The following ERC1 variants were observed in gnomAD, a reference collection of about 807,000 sequenced individuals.
ERC1 encodes the protein ELKS/RAB6-interacting/CAST family member 1, also known as RAB6 interacting protein 2.
A neutral mutation model predicts 132.0 loss-of-function variants in ERC1; 56 were observed. The observed-to-expected ratio is 0.42, with a 90% CI of 0.34 to 0.53. The LOEUF (loss-of-function observed/expected upper bound fraction) is 0.53, where lower values mean the gene tolerates loss of function less well. Among genes scored for constraint, ERC1 ranks in the 20% least tolerant of loss-of-function variants. The pLI is 0.03. For missense variants in ERC1, 1,202 were observed against 1,349.9 expected, an observed-to-expected ratio of 0.89 and a Z score of 1.72; for synonymous variants, 478 against 476.1, an observed-to-expected ratio of 1.00 and a Z score of -0.05.
At chr12:1,210,984 CA>C (rs147811983) in intron 12 of ERC1, among the ~76,000 whole-genome samples, 23,400 of 114,354 alleles carry the variant, frequency 0.2, 2,368 homozygotes, top group African/African-American at 0.36. Flanking sequence ...GACTGTGTCT[CA>C]AAAAAAAAAA....
chr12:1,490,576 C>T lies in ERC1; in HGVS notation c.*346C>T, dbSNP rs529531128. ...GCAGAGGAGCCTCTCACCTCCTGTC[C>T]TCTGACATGAGAATGAAACCAGGAA... On this transcript the variant is annotated 3_prime_UTR_variant, in exon 19 of 19. Coordinates refer to ENST00000360905, the MANE Select transcript of ERC1 (RefSeq NM_178040.4). The T allele has an allele frequency of 1.9e-4, 54 of 285,668 alleles. No homozygotes were observed. Among genetic ancestry groups the T allele is most frequent in the African/African-American group, 9.7e-4 (47 of 48,368 alleles). 17.7% of individuals were successfully genotyped at this position (285,668 alleles called of 1,614,324 possible). A position where few individuals can be genotyped will look rare whatever the true frequency, so the allele number is the denominator to read the frequency against.
intron 2 of ERC1, among the ~76,000 whole-genome samples, chr12:1,033,310 A>G (rs965595097): frequency 2.0e-5 from 3 of 151,928 alleles, no homozygotes; most frequent in Admixed American, 6.6e-5. Flanking sequence ...TGCTGGGATT[A>G]TAGGTATGAG....
At chr12:1,430,590 G>A (rs952684783) in intron 17 of ERC1, 4 of 152,320 alleles carry the variant, frequency 2.6e-5, no homozygotes, top group Admixed American at 1.3e-4. Context: ...ATGTTGGCCA[G>A]GCTAGTCTCA....
chr12:1,150,665 G>C (rs2369701), intron 8 of ERC1, among the ~76,000 whole-genome samples: 71,390 of 151,988 alleles, frequency 0.47, 19,940 homozygotes, highest in African/African-American at 0.78. Flanking sequence ...TGATACTTCA[G>C]CTCTGTGGTT....
chr12:1,481,461 C>T (rs182179007), intron 18 of ERC1, among the ~76,000 whole-genome samples: 20 of 152,202 alleles, frequency 1.3e-4, no homozygotes, highest in Admixed American at 1.2e-3. Flanking sequence ...AAAGTAATCA[C>T]GGTTACACAA....
At chr12:1,016,873 A>T (rs1377154637) in intron 1 of ERC1, among the ~76,000 whole-genome samples, 1 of 150,704 alleles carries the variant, frequency 6.6e-6, no homozygotes, top group African/African-American at 2.4e-5. Context: ...CTGGTCTCAA[A>T]CTCCTGACCT....
intron 17 of ERC1, among the ~76,000 whole-genome samples, chr12:1,412,457 C>T (rs959291031): frequency 6.6e-6 from 1 of 152,132 alleles, no homozygotes; most frequent in Non-Finnish European, 1.5e-5. Context: ...TAAAACGTAA[C>T]GCTTAAGAGT....
intron 15 of ERC1, among the ~76,000 whole-genome samples, chr12:1,301,783 A>G (rs948094895): frequency 6.6e-6 from 1 of 152,166 alleles, no homozygotes; most frequent in African/African-American, 2.4e-5. Context: ...AAGTTTACCT[A>G]TTTAACAAAC....
At chr12:1,329,484 T>C (rs568298859) in intron 15 of ERC1, among the ~76,000 whole-genome samples, 1 of 151,372 alleles carries the variant, frequency 6.6e-6, no homozygotes, top group South Asian at 2.1e-4. Flanking sequence ...AATAATAATA[T>C]ATTGTTTTAC....
At chr12:1,365,596 G>GACTA (rs933069093) in intron 15 of ERC1, among the ~76,000 whole-genome samples, 2 of 152,150 alleles carry the variant, frequency 1.3e-5, no homozygotes, top group African/African-American at 4.8e-5. Context: ...AAACATTGAA[G>GACTA]ACTAGCAAAG....
At chr12:1,468,459 C>G (rs1233855376) in intron 18 of ERC1, among the ~76,000 whole-genome samples, 1 of 152,036 alleles carries the variant, frequency 6.6e-6, no homozygotes, top group Non-Finnish European at 1.5e-5. Flanking sequence ...AAAATTAGCC[C>G]AGCATTGTGT....
At chr12:1,070,429 A>T (rs752690809) in intron 2 of ERC1, among the ~76,000 whole-genome samples, 1 of 151,790 alleles carries the variant, frequency 6.6e-6, no homozygotes, top group Non-Finnish European at 1.5e-5. Context: ...CTGGGACTAT[A>T]GATGCATGCC....
chr12:1,144,966 A>C (rs1950214763), intron 8 of ERC1, among the ~76,000 whole-genome samples: 1 of 151,860 alleles, frequency 6.6e-6, no homozygotes, highest in Non-Finnish European at 1.5e-5. Flanking sequence ...TTTTATTTTT[A>C]AATTATATCG....
intron 2 of ERC1, among the ~76,000 whole-genome samples, chr12:1,078,106 G>A (rs982590969): frequency 4.6e-5 from 7 of 152,154 alleles, no homozygotes; most frequent in South Asian, 2.1e-4. Context: ...GTGCCAAAGC[G>A]TATGTGAAAC....
At chr12:1,311,864 T>C (rs2081333949) in intron 15 of ERC1, among the ~76,000 whole-genome samples, 1 of 152,254 alleles carries the variant, frequency 6.6e-6, no homozygotes, top group Admixed American at 6.5e-5. Context: ...AGCTGGATGA[T>C]AGGAAATTTG....
chr12:996,042 A>G (rs772539133), intron 1 of ERC1, among the ~76,000 whole-genome samples: 2 of 151,882 alleles, frequency 1.3e-5, no homozygotes, highest in Non-Finnish European at 2.9e-5. Flanking sequence ...TTAGTGTGAG[A>G]TAGATGAGAC....
intron 6 of ERC1, among the ~76,000 whole-genome samples, chr12:1,112,912 G>T (rs1946044027): frequency 1.3e-5 from 2 of 152,038 alleles, no homozygotes; most frequent in African/African-American, 2.4e-5. Context: ...AATAAATACA[G>T]TTGGCCCTCC....
At chr12:1,293,647 T>C (rs1392993316) in intron 15 of ERC1, among the ~76,000 whole-genome samples, 1 of 151,284 alleles carries the variant, frequency 6.6e-6, no homozygotes, top group East Asian at 1.9e-4. Context: ...AAAAAAAAAT[T>C]GTGGGGTTGT....
intron 15 of ERC1, among the ~76,000 whole-genome samples, chr12:1,344,364 G>C (rs768850578): frequency 2.6e-5 from 4 of 152,136 alleles, no homozygotes; most frequent in Non-Finnish European, 4.4e-5. Context: ...GTGGGAGAAA[G>C]GGGGGAAAGA....
Sources: gnomAD v4.1 joint callset for allele counts (sites outside exome capture counted in the v4.1 genomes callset) on GRCh38, gnomAD v4.1.1 for gene constraint, MANE v1.5 for transcripts, NCBI Gene and HGNC (gene_info 2026-07-23, HGNC 2026-07-21) for gene names.